ADGRB3: variants seen among roughly 807,000 people sequenced by gnomAD.
ADGRB3 encodes the protein adhesion G protein-coupled receptor B3.
In ADGRB3, 37 loss-of-function variants were observed where a neutral mutation model predicts 193.4. The ratio of observed to expected loss-of-function variants is 0.19; its 90% CI spans 0.15 to 0.25. The LOEUF (loss-of-function observed/expected upper bound fraction) is 0.25, where lower values mean the gene tolerates loss of function less well. Ranked by LOEUF, ADGRB3 falls within the 10% of genes least tolerant of loss-of-function variation. The pLI is 1.00. For synonymous variants in ADGRB3, 690 were observed against 644.2 expected (o/e 1.07, Z -1.08); for missense variants, 1,637 against 1,852.9 (o/e 0.88, Z 2.14).
intron 3 of ADGRB3, among the ~76,000 whole-genome samples, chr6:68,735,444 G>T (rs960395471): frequency 2.6e-5 from 4 of 151,802 alleles, no homozygotes; most frequent in Non-Finnish European, 5.9e-5. Context: ...TAAGAATATA[G>T]GAAATCATTT....
At chr6:69,076,900 T>A (rs564160004) in intron 17 of ADGRB3, among the ~76,000 whole-genome samples, 159 of 152,142 alleles carry the variant, frequency 1.0e-3, no homozygotes, top group Middle Eastern at 0.01. Context: ...ACCCCTGATA[T>A]GATCTACATC....
At position 68,970,302 on chromosome 6, in the gene ADGRB3, T is replaced by A. The variant is rs758531716; in HGVS notation, c.1526-4461T>A. Among the ~76,000 whole-genome samples, 17 of 151,910 alleles carry A rather than the reference T, an allele frequency of 1.1e-4. 1 individual carries two copies. The highest frequency in any genetic ancestry group is 2.2e-4 in the Non-Finnish European group (15 of 67,952). Reference sequence around the variant, plus strand: ...TCTTTTCTTCTTTCTTTTTTTTTTTTTAAATGGAATCTTGATCTGTCACCC... The same window carrying A: ...TCTTTTCTTCTTTCTTTTTTTTTTTATAAATGGAATCTTGATCTGTCACCC... On this transcript the variant is annotated intron_variant, in intron 8 of 31. Coordinates refer to ENST00000370598, the MANE Select transcript of ADGRB3 (RefSeq NM_001704.3).
intron 3 of ADGRB3, among the ~76,000 whole-genome samples, chr6:68,643,760 C>T (rs1403861299): frequency 6.6e-6 from 1 of 151,524 alleles, no homozygotes; most frequent in South Asian, 2.1e-4. Context: ...GGTGAAACCA[C>T]CTTCTCTACT....
chr6:69,025,574 G>A (rs1430652378), intron 13 of ADGRB3, among the ~76,000 whole-genome samples: 1 of 148,548 alleles, frequency 6.7e-6, no homozygotes, highest in Admixed American at 6.8e-5. Context: ...CGTCAGTTCA[G>A]TCAGCTAGAT....
intron 3 of ADGRB3, among the ~76,000 whole-genome samples, chr6:68,660,599 A>G (rs1768605100): frequency 6.6e-6 from 1 of 151,014 alleles, no homozygotes; most frequent in Admixed American, 6.6e-5. Flanking sequence ...ATTTCTAGGT[A>G]TATTGTAGGC....
intron 20 of ADGRB3, among the ~76,000 whole-genome samples, chr6:69,244,566 C>A (rs887766301): frequency 1.3e-5 from 2 of 152,068 alleles, no homozygotes; most frequent in Non-Finnish European, 2.9e-5. Flanking sequence ...TTACAGCTAT[C>A]CATTCAGTTC....
intron 6 of ADGRB3, among the ~76,000 whole-genome samples, chr6:68,953,965 C>T (rs1415115615): frequency 1.3e-5 from 2 of 152,200 alleles, no homozygotes; most frequent in African/African-American, 4.8e-5. Context: ...AAGTAGACAT[C>T]CACAGACTGA....
chr6:69,324,056 T>C (rs1768517109), intron 20 of ADGRB3, among the ~76,000 whole-genome samples: 1 of 152,128 alleles, frequency 6.6e-6, no homozygotes, highest in African/African-American at 2.4e-5. Flanking sequence ...CAACAAGATT[T>C]ATAAAGCAAT....
intron 3 of ADGRB3, among the ~76,000 whole-genome samples, chr6:68,736,886 C>CT (rs1713016456): frequency 1.3e-5 from 2 of 151,956 alleles, no homozygotes; most frequent in Admixed American, 1.3e-4. Context: ...GCTTTATTTT[C>CT]TGTCAGTTTT....
intron 11 of ADGRB3, among the ~76,000 whole-genome samples, chr6:69,003,846 T>C (rs1230589574): frequency 6.6e-6 from 1 of 152,126 alleles, no homozygotes; most frequent in Non-Finnish European, 1.5e-5. Flanking sequence ...ACAAGCTCCA[T>C]AGAAGAGCCC....
At chr6:68,932,173 A>T (rs1032442039) in intron 4 of ADGRB3, among the ~76,000 whole-genome samples, 2 of 152,184 alleles carry the variant, frequency 1.3e-5, no homozygotes, top group African/African-American at 4.8e-5. Context: ...AGATTAAAAA[A>T]GGTGTATTTT....
At chr6:68,986,634 G>C (rs949628302) in intron 10 of ADGRB3, among the ~76,000 whole-genome samples, 1 of 152,054 alleles carries the variant, frequency 6.6e-6, no homozygotes, top group Non-Finnish European at 1.5e-5. Flanking sequence ...TTTGGTCTTA[G>C]GAAATTACAG....
intron 3 of ADGRB3, among the ~76,000 whole-genome samples, chr6:68,709,193 G>A (rs1469145224): frequency 3.3e-5 from 5 of 152,182 alleles, no homozygotes; most frequent in African/African-American, 9.6e-5. Context: ...AAAATGAGAT[G>A]CAGATACTTT....
chr6:69,147,257 T>C (rs1462927356), intron 17 of ADGRB3, among the ~76,000 whole-genome samples: 1 of 152,330 alleles, frequency 6.6e-6, no homozygotes, highest in East Asian at 1.9e-4. Context: ...GATGTTTTTC[T>C]ACCTTTTTGA....
At chr6:69,347,547 T>TGG (rs141181867) in intron 26 of ADGRB3, among the ~76,000 whole-genome samples, 1 of 151,860 alleles carries the variant, frequency 6.6e-6, no homozygotes, top group South Asian at 2.1e-4. Flanking sequence ...GGAGCCAAGA[T>TGG]GGGAGGATTG....
intron 8 of ADGRB3, among the ~76,000 whole-genome samples, chr6:68,968,040 A>G (rs985419754): frequency 2.6e-5 from 4 of 152,120 alleles, no homozygotes; most frequent in Non-Finnish European, 5.9e-5. Flanking sequence ...GAGGAGAGGT[A>G]AGCTGTAACT....
At position 68,956,191 on chromosome 6, in the gene ADGRB3, A is replaced by G; in HGVS notation, c.1360+3A>G. 1 of 1,604,082 alleles carries G rather than the reference A, an allele frequency of 6.2e-7. No homozygotes were observed. Among genetic ancestry groups the G allele is most frequent in the Non-Finnish European group, 8.5e-7 (1 of 1,173,570 alleles). On this transcript the variant is annotated splice_donor_region_variant and intron_variant, in intron 7 of 31. Coordinates refer to ENST00000370598, the MANE Select transcript of ADGRB3 (RefSeq NM_001704.3). ...GTGCTATAACCCTGAATGTACAGGT[A>G]GGGCTTGATTCCTGCATATCATGGG...
chr6:68,725,016 G>A (rs548487886), intron 3 of ADGRB3, among the ~76,000 whole-genome samples: 1 of 151,782 alleles, frequency 6.6e-6, no homozygotes, highest in East Asian at 1.9e-4. Context: ...ATGCTACTGG[G>A]AGTCATAGAA....
intron 17 of ADGRB3, among the ~76,000 whole-genome samples, chr6:69,101,775 A>C (rs763680265): frequency 6.6e-6 from 1 of 152,110 alleles, no homozygotes; most frequent in Non-Finnish European, 1.5e-5. Flanking sequence ...GTTTTACACA[A>C]TAGGAAATGA....
Sources: allele counts gnomAD v4.1 joint callset (sites outside exome capture counted in the v4.1 genomes callset), GRCh38; gene constraint gnomAD v4.1.1; transcripts MANE v1.5; gene names NCBI Gene and HGNC (gene_info 2026-07-23, HGNC 2026-07-21).